The following TENM4 variants were observed in gnomAD, a reference collection of about 807,000 sequenced individuals.
The protein encoded by TENM4 is teneurin-4.
A neutral mutation model predicts 243.3 loss-of-function variants in TENM4; 82 were observed. The ratio of observed to expected loss-of-function variants is 0.34; its 90% CI spans 0.28 to 0.40. The LOEUF is 0.40. Among genes scored for constraint, TENM4 ranks in the 10% least tolerant of loss-of-function variants. The pLI, the probability that TENM4 is intolerant of heterozygous loss-of-function variation, is 1.00. For synonymous variants in TENM4, 1,412 were observed against 1,456.3 expected, an observed-to-expected ratio of 0.97 and a Z score of 0.69; for missense variants, 3,138 against 3,673.3, an observed-to-expected ratio of 0.85 and a Z score of 3.77.
chr11:79,031,516 G>A (rs1268710603), intron 6 of TENM4, among the ~76,000 whole-genome samples: 2 of 152,174 alleles, frequency 1.3e-5, no homozygotes, highest in Non-Finnish European at 2.9e-5. Flanking sequence ...GGCAATCAGT[G>A]GTAGGGTAGA....
chr11:78,662,504 C>T (rs1858055947), intron 32 of TENM4, among the ~76,000 whole-genome samples: 1 of 152,054 alleles, frequency 6.6e-6, no homozygotes, highest in Admixed American at 6.5e-5. Flanking sequence ...ATTTTCTAGT[C>T]TTTACATTGG....
intron 6 of TENM4, among the ~76,000 whole-genome samples, chr11:78,989,186 A>G (rs1221051539): frequency 6.6e-6 from 1 of 152,244 alleles, no homozygotes; most frequent in East Asian, 1.9e-4. Flanking sequence ...TGTGTTTGTT[A>G]TCAACTCTCC....
intron 1 of TENM4, among the ~76,000 whole-genome samples, chr11:79,362,246 C>A (rs1857602817): frequency 6.6e-6 from 1 of 152,208 alleles, no homozygotes; most frequent in African/African-American, 2.4e-5. Context: ...TTTCACCTCA[C>A]TTCCCAATTT....
intron 4 of TENM4, among the ~76,000 whole-genome samples, chr11:79,109,047 A>G (rs978818089): frequency 5.9e-5 from 9 of 152,134 alleles, no homozygotes; most frequent in African/African-American, 2.2e-4. Context: ...GTATGCAGTG[A>G]GTCACTTTGC....
intron 1 of TENM4, among the ~76,000 whole-genome samples, chr11:79,363,837 A>ATC (rs1439898159): frequency 6.6e-6 from 1 of 152,240 alleles, no homozygotes; most frequent in Non-Finnish European, 1.5e-5. Flanking sequence ...TATACATTTC[A>ATC]TCTCATACAC....
intron 3 of TENM4, among the ~76,000 whole-genome samples, chr11:79,172,516 A>G (rs557594659): frequency 2.6e-5 from 4 of 152,062 alleles, no homozygotes; most frequent in African/African-American, 9.6e-5. Flanking sequence ...CCCAACTCCA[A>G]TCCATCAGCA....
chr11:79,350,769 A>G (rs11828510), intron 1 of TENM4, among the ~76,000 whole-genome samples: 91,785 of 151,630 alleles, frequency 0.61, 29,312 homozygotes, highest in African/African-American at 0.81. Context: ...TCTAATTTCT[A>G]ATGCTGCTCC....
intron 2 of TENM4, among the ~76,000 whole-genome samples, chr11:79,283,662 G>A (rs1193776625): frequency 1.3e-5 from 2 of 152,184 alleles, no homozygotes; most frequent in African/African-American, 2.4e-5. Context: ...AAGGCAAGGT[G>A]ACTGCTCTCA....
chr11:79,416,166 A>C (rs559263432), intron 1 of TENM4, among the ~76,000 whole-genome samples: 1 of 152,266 alleles, frequency 6.6e-6, no homozygotes, highest in Admixed American at 6.5e-5. Context: ...GTGACTTACA[A>C]TTTTTGGCTA....
intron 6 of TENM4, among the ~76,000 whole-genome samples, chr11:78,961,777 T>C (rs1163113700): frequency 1.4e-5 from 2 of 143,404 alleles, no homozygotes; most frequent in African/African-American, 5.2e-5. Context: ...GTTGCCTATG[T>C]CTTAACCTTT....
chr11:78,887,797 G>C (rs772569359), intron 9 of TENM4, among the ~76,000 whole-genome samples: 1 of 152,196 alleles, frequency 6.6e-6, no homozygotes, highest in Non-Finnish European at 1.5e-5. Flanking sequence ...AAACAGGAGA[G>C]AGTTTGATTA....
intron 5 of TENM4, chr11:79,067,984 A>G (rs1414407519): frequency 6.6e-6 from 1 of 152,226 alleles, no homozygotes; most frequent in Non-Finnish European, 1.5e-5. Flanking sequence ...ACTGCTACGC[A>G]CATGCCTGCC....
Position 79,029,287 on chromosome 11 carries a change from C to T in TENM4, c.493+35451G>A, listed in dbSNP as rs147713264. Among the ~76,000 whole-genome samples, 288 of 152,324 alleles carry T rather than the reference C, an allele frequency of 1.9e-3. 5 individuals carry two copies. Among genetic ancestry groups the T allele is most frequent in the Admixed American group, 0.017 (256 of 15,290 alleles). ...AGCGGAGAGCTAATACACAAGGCAT[C>T]TTCCAGAACTGCAATCTTTCCCCTG... On this transcript the variant is annotated intron_variant, in intron 6 of 33. Transcript: ENST00000278550.
chr11:78,892,104 G>A (rs925493936), intron 7 of TENM4, among the ~76,000 whole-genome samples: 1 of 152,196 alleles, frequency 6.6e-6, no homozygotes, highest in Non-Finnish European at 1.5e-5. Flanking sequence ...GAGCTCCACG[G>A]AAGACAAAAG....
intron 7 of TENM4, among the ~76,000 whole-genome samples, chr11:78,894,175 T>A (rs1204946529): frequency 6.6e-6 from 1 of 152,096 alleles, no homozygotes; most frequent in Non-Finnish European, 1.5e-5. Flanking sequence ...ATCCCTGCAT[T>A]TCAGGAGGGA....
At chr11:79,325,977 T>C (rs1234516889) in intron 1 of TENM4, among the ~76,000 whole-genome samples, 1 of 152,256 alleles carries the variant, frequency 6.6e-6, no homozygotes, top group Non-Finnish European at 1.5e-5. Flanking sequence ...TCATTAAACA[T>C]GAGCCTGCTC....
chr11:78,665,102 G>A (rs1858121478), intron 32 of TENM4, among the ~76,000 whole-genome samples: 1 of 152,100 alleles, frequency 6.6e-6, no homozygotes, highest in Non-Finnish European at 1.5e-5. Context: ...TGTCACAGGG[G>A]AGTGATGAAA....
At chr11:79,150,692 T>G (rs1862490233) in intron 3 of TENM4, among the ~76,000 whole-genome samples, 1 of 152,182 alleles carries the variant, frequency 6.6e-6, no homozygotes, top group Admixed American at 6.5e-5. Context: ...CCTCTAGAAA[T>G]TCCTGCCTCC....
intron 6 of TENM4, among the ~76,000 whole-genome samples, chr11:78,904,766 G>A (rs921756646): frequency 3.9e-5 from 6 of 152,218 alleles, no homozygotes; most frequent in Non-Finnish European, 7.3e-5. Context: ...TAGACTTGGA[G>A]CAGGTAAGTA....
Sources: allele counts gnomAD v4.1 joint callset (sites outside exome capture counted in the v4.1 genomes callset), GRCh38; gene constraint gnomAD v4.1.1; transcripts MANE v1.5; gene names NCBI Gene and HGNC (gene_info 2026-07-23, HGNC 2026-07-21).